CCDC85A: variants seen among roughly 807,000 people sequenced by gnomAD.
CCDC85A encodes coiled-coil domain containing 85A.
In CCDC85A, 38 loss-of-function variants were observed where a neutral mutation model predicts 50.2. That is an observed-to-expected ratio of 0.76 (90% CI 0.58 to 0.99). The LOEUF (loss-of-function observed/expected upper bound fraction) is 0.99, where lower values mean the gene tolerates loss of function less well. Among genes scored for constraint, CCDC85A ranks in the 50% least tolerant of loss-of-function variants. CCDC85A has a pLI of 0.00. For synonymous variants in CCDC85A, 366 were observed against 301.4 expected (o/e 1.21, Z -2.22); for missense variants, 820 against 742.0 (o/e 1.11, Z -1.22).
At chr2:56,191,670 G>T (rs1156519379) in intron 1 of CCDC85A, among the ~76,000 whole-genome samples, 1 of 152,220 alleles carries the variant, frequency 6.6e-6, no homozygotes, top group Non-Finnish European at 1.5e-5. Flanking sequence ...GGGGGCATTT[G>T]CTGAGAGGTG....
chr2:56,232,164 A>G (rs1227885530), intron 2 of CCDC85A, among the ~76,000 whole-genome samples: 1 of 152,104 alleles, frequency 6.6e-6, no homozygotes, highest in African/African-American at 2.4e-5. Context: ...ACCTATAGCC[A>G]TGACTTTTGC....
intron 2 of CCDC85A, among the ~76,000 whole-genome samples, chr2:56,261,204 G>T (rs528202431): frequency 2.0e-5 from 3 of 152,090 alleles, no homozygotes; most frequent in Non-Finnish European, 4.4e-5. Flanking sequence ...AAGAAACTGC[G>T]GTAGCACTTT....
rs182200753 is a variant in CCDC85A, at chr2:56,272,239, A to G, written c.1241-70640A>G. On this transcript the variant is annotated intron_variant, in intron 2 of 5. Coordinates refer to ENST00000407595, the MANE Select transcript of CCDC85A (RefSeq NM_001080433.2). ...GTAGTAGATGTTAATAAAGTTTAAC[A>G]AGGTAAAAAGCAGAAAGAGGAGTGG... 4.5e-3 allele frequency among the ~76,000 whole-genome samples: 691 copies of G among 152,316 alleles called. 2 individuals carry two copies. The highest frequency in any genetic ancestry group is 7.6e-3 in the Non-Finnish European group (519 of 68,028).
intron 2 of CCDC85A, among the ~76,000 whole-genome samples, chr2:56,310,990 A>T (rs764565659): frequency 5.3e-5 from 8 of 152,196 alleles, no homozygotes; most frequent in Non-Finnish European, 1.2e-4. Flanking sequence ...GAGAAAATAT[A>T]TAACGGGACT....
At chr2:56,331,192 G>C (rs1425844883) in intron 2 of CCDC85A, among the ~76,000 whole-genome samples, 2 of 151,944 alleles carry the variant, frequency 1.3e-5, no homozygotes, top group African/African-American at 4.8e-5. Context: ...CACATGGACA[G>C]AGTGTGGAAT....
At chr2:56,232,806 C>T (rs769840200) in intron 2 of CCDC85A, among the ~76,000 whole-genome samples, 2 of 152,218 alleles carry the variant, frequency 1.3e-5, no homozygotes, top group Non-Finnish European at 2.9e-5. Context: ...CAAGACATCA[C>T]CATTGTTCTT....
rs138644911 is a variant in CCDC85A, at chr2:56,194,935, A to G, written c.1240+1495A>G. ...CAAGAGATGCAAGTCATTTAAAAAG[A>G]AAGTTTGGTTGTGTTACTATCATGA... On this transcript the variant is annotated intron_variant, in intron 2 of 5. Transcript: ENST00000407595. Among the ~76,000 whole-genome samples, 331 of 151,938 alleles carry G rather than the reference A, an allele frequency of 2.2e-3. 2 individuals carry two copies. The highest frequency in any genetic ancestry group is 7.6e-3 in the African/African-American group (314 of 41,410).
intron 2 of CCDC85A, among the ~76,000 whole-genome samples, chr2:56,251,099 C>T (rs1669733039): frequency 6.6e-6 from 1 of 152,150 alleles, no homozygotes; most frequent in African/African-American, 2.4e-5. Flanking sequence ...TCAGTTCTTT[C>T]CTCCCCCAGA....
At chr2:56,326,830 G>A (rs1313953295) in intron 2 of CCDC85A, among the ~76,000 whole-genome samples, 1 of 149,196 alleles carries the variant, frequency 6.7e-6, no homozygotes, top group African/African-American at 2.5e-5. Flanking sequence ...CTAGGATTAA[G>A]GTGAAGTATT....
chr2:56,276,632 C>T (rs534491648), intron 2 of CCDC85A, among the ~76,000 whole-genome samples: 1 of 152,276 alleles, frequency 6.6e-6, no homozygotes, highest in East Asian at 1.9e-4. Context: ...GTGAGGCCTC[C>T]CCAGCCACTT....
intron 3 of CCDC85A, among the ~76,000 whole-genome samples, chr2:56,364,143 T>C (rs1675674118): frequency 6.6e-6 from 1 of 152,178 alleles, no homozygotes; most frequent in Non-Finnish European, 1.5e-5. Context: ...ACAGCCTCTT[T>C]TTCTTTTTTT....
chr2:56,324,946 T>C (rs182486093), intron 2 of CCDC85A, among the ~76,000 whole-genome samples: 53 of 152,220 alleles, frequency 3.5e-4, no homozygotes, highest in African/African-American at 1.3e-3. Flanking sequence ...ATTTTTCTTT[T>C]TCATTTATAA....
At chr2:56,270,325 G>T (rs1034143753) in intron 2 of CCDC85A, among the ~76,000 whole-genome samples, 1 of 152,172 alleles carries the variant, frequency 6.6e-6, no homozygotes, top group African/African-American at 2.4e-5. Context: ...AAATATGCTA[G>T]ATATCTTTGA....
intron 3 of CCDC85A, among the ~76,000 whole-genome samples, chr2:56,350,197 C>T (rs1398102013): frequency 1.4e-5 from 2 of 147,078 alleles, no homozygotes; most frequent in Non-Finnish European, 3.0e-5. Flanking sequence ...GACAGAGTCT[C>T]GCTCTGTCAC....
chr2:56,377,083 C>T (rs377573318), intron 5 of CCDC85A, among the ~76,000 whole-genome samples: 3 of 152,258 alleles, frequency 2.0e-5, no homozygotes, highest in African/African-American at 7.2e-5. Context: ...TTTGCTTTTC[C>T]TAAACATATA....
intron 2 of CCDC85A, among the ~76,000 whole-genome samples, chr2:56,335,074 A>G (rs940531663): frequency 1.3e-5 from 2 of 152,196 alleles, no homozygotes; most frequent in African/African-American, 2.4e-5. Flanking sequence ...ATATCCAGGC[A>G]AATCTGAAAG....
rs562244619 is a variant in CCDC85A, at chr2:56,351,717, A to C, written c.1317+8762A>C. 8.8e-3 allele frequency among the ~76,000 whole-genome samples: 1,303 copies of C among 147,976 alleles called. 4 individuals are homozygous for C. Among genetic ancestry groups the C allele is most frequent in the Non-Finnish European group, 0.012 (829 of 67,276 alleles). ...TGGGGTTGTTTGTTTTTTTCTTGTC[A>C]ATTTGTTTGAGTTCATTGTAGATTC... On this transcript the variant is annotated intron_variant, in intron 3 of 5. Coordinates refer to ENST00000407595, the MANE Select transcript of CCDC85A (RefSeq NM_001080433.2).
intron 3 of CCDC85A, among the ~76,000 whole-genome samples, chr2:56,351,003 T>TC (rs1297385520): frequency 3.8e-5 from 2 of 53,118 alleles, no homozygotes. Context: ...CCCTCCCCCC[T>TC]CCCCCCACCC....
intron 2 of CCDC85A, among the ~76,000 whole-genome samples, chr2:56,340,876 CAAA>C (rs61603853): frequency 1.4e-3 from 79 of 58,212 alleles, no homozygotes; most frequent in Non-Finnish European, 1.7e-3. Context: ...AACTCCATCT[CAAA>C]AAAAAAAAAA....
Sources: allele counts gnomAD v4.1 joint callset (sites outside exome capture counted in the v4.1 genomes callset), GRCh38; gene constraint gnomAD v4.1.1; transcripts MANE v1.5; gene names NCBI Gene and HGNC (gene_info 2026-07-23, HGNC 2026-07-21).